Variants in NR4A3 observed in about 807,000 individuals in gnomAD.
NR4A3 encodes the protein nuclear receptor subfamily 4 group A member 3.
NR4A3 carries 13 observed loss-of-function variants against 55.6 expected under a neutral mutation model. The ratio of observed to expected loss-of-function variants is 0.23; its 90% confidence interval spans 0.15 to 0.37. NR4A3 has a LOEUF of 0.37. Ranked by LOEUF, NR4A3 falls within the 10% of genes least tolerant of loss-of-function variation. The pLI is 1.00. For synonymous variants in NR4A3, 342 were observed against 357.9 expected, an observed-to-expected ratio of 0.96 and a Z score of 0.50; for missense variants, 646 against 822.8, an observed-to-expected ratio of 0.79 and a Z score of 2.63.
At position 99,822,163 on chromosome 9, in the gene NR4A3, G is replaced by A. The variant is rs1276043819; in HGVS notation, c.-421G>A. On this transcript the variant is annotated 5_prime_UTR_variant, in exon 1 of 8. Coordinates refer to ENST00000395097, the MANE Select transcript of NR4A3 (RefSeq NM_006981.4). The surrounding 1 kb of genome is among the most constrained non-coding windows in gnomAD (Gnocchi z 4.9). ...GGTGCCGGCAGTGGCCGTGGAGGTGGGAACAGCGGCGGCATCCTCCCCCCT... is the reference window on the plus strand; with the variant it reads ...GGTGCCGGCAGTGGCCGTGGAGGTGAGAACAGCGGCGGCATCCTCCCCCCT... 6.6e-6 allele frequency: 1 copy of A among 152,652 alleles called. No homozygotes were observed. Among genetic ancestry groups the A allele is most frequent in the Non-Finnish European group, 1.5e-5 (1 of 68,136 alleles). 9.5% of individuals were successfully genotyped at this position (152,652 alleles called of 1,614,324 possible). A position where few individuals can be genotyped will look rare whatever the true frequency, so the allele number is the denominator to read the frequency against.
chr9:99,856,085 T>C (rs1377602768), intron 7 of NR4A3, among the ~76,000 whole-genome samples: 1 of 152,200 alleles, frequency 6.6e-6, no homozygotes, highest in Non-Finnish European at 1.5e-5. Flanking sequence ...TTGCTTGGAC[T>C]GGGGTCGGAG....
intron 1 of NR4A3, among the ~76,000 whole-genome samples, chr9:99,824,229 C>T (rs1474246692): frequency 6.6e-6 from 1 of 152,138 alleles, no homozygotes; most frequent in Non-Finnish European, 1.5e-5. Context: ...GGGTCCCTCC[C>T]GCGAACGCTG....
intron 5 of NR4A3, among the ~76,000 whole-genome samples, chr9:99,840,164 C>A (rs1212662757): frequency 1.3e-5 from 2 of 152,234 alleles, no homozygotes; most frequent in African/African-American, 4.8e-5. Flanking sequence ...AAAACCACTG[C>A]AGGTGAAGCC....
intron 5 of NR4A3, among the ~76,000 whole-genome samples, chr9:99,836,590 A>C (rs1421464482): frequency 6.6e-6 from 1 of 152,216 alleles, no homozygotes; most frequent in Non-Finnish European, 1.5e-5. Flanking sequence ...GATTTGGTGA[A>C]ATTGGGTCAC....
chr9:99,837,986 C>G (rs1165954645), intron 5 of NR4A3, among the ~76,000 whole-genome samples: 3 of 152,206 alleles, frequency 2.0e-5, no homozygotes, highest in Non-Finnish European at 4.4e-5. Flanking sequence ...TTCTGTGAAG[C>G]ATTCCTGGCT....
At chr9:99,840,388 G>C (rs962277607) in intron 5 of NR4A3, among the ~76,000 whole-genome samples, 1 of 152,252 alleles carries the variant, frequency 6.6e-6, no homozygotes, top group African/African-American at 2.4e-5. Flanking sequence ...ATTGGAAGCA[G>C]AGAGATTGTT....
chr9:99,849,400 T>C (rs1431824286), intron 7 of NR4A3, among the ~76,000 whole-genome samples: 2 of 151,996 alleles, frequency 1.3e-5, no homozygotes, highest in Non-Finnish European at 2.9e-5. Flanking sequence ...AAGAGAGCCA[T>C]TAACGAAACA....
intron 1 of NR4A3, among the ~76,000 whole-genome samples, chr9:99,824,833 C>T (rs1479824791): frequency 6.6e-6 from 1 of 152,230 alleles, no homozygotes; most frequent in Non-Finnish European, 1.5e-5. Flanking sequence ...TGGGCTGAGA[C>T]GCTGGTCCCG....
chr9:99,860,571 C>T (rs967199346), intron 7 of NR4A3, among the ~76,000 whole-genome samples: 1 of 152,200 alleles, frequency 6.6e-6, no homozygotes, highest in Non-Finnish European at 1.5e-5. Context: ...TTAGGCAGAA[C>T]ACCACTGCAT....
intron 7 of NR4A3, among the ~76,000 whole-genome samples, chr9:99,863,111 C>A (rs1157001761): frequency 6.6e-6 from 1 of 152,164 alleles, no homozygotes; most frequent in Non-Finnish European, 1.5e-5. Flanking sequence ...TTACAGCCTC[C>A]CCACCTCCCT....
chr9:99,852,441 T>G (rs1399393540), intron 7 of NR4A3, among the ~76,000 whole-genome samples: 2 of 152,200 alleles, frequency 1.3e-5, no homozygotes, highest in African/African-American at 4.8e-5. Flanking sequence ...AGATGATGTC[T>G]TGTGCTTTTG....
chr9:99,861,180 C>A (rs1361145213), intron 7 of NR4A3, among the ~76,000 whole-genome samples: 1 of 152,182 alleles, frequency 6.6e-6, no homozygotes, highest in African/African-American at 2.4e-5. Flanking sequence ...ACTTACAGTC[C>A]ATGGAGATCC....
chr9:99,831,921 T>C (rs556251176), intron 3 of NR4A3, among the ~76,000 whole-genome samples: 1 of 152,338 alleles, frequency 6.6e-6, no homozygotes, highest in Admixed American at 6.5e-5. Context: ...TCTATGTCAA[T>C]AGACATTTAT....
chr9:99,858,554 GTAGT>G (rs1413398506), intron 7 of NR4A3, among the ~76,000 whole-genome samples: 7 of 152,246 alleles, frequency 4.6e-5, no homozygotes, highest in African/African-American at 9.6e-5. Context: ...GTTGAAAGAA[GTAGT>G]TAGTTAATTT....
chr9:99,856,293 G>A (rs1192932784), intron 7 of NR4A3, among the ~76,000 whole-genome samples: 1 of 151,672 alleles, frequency 6.6e-6, no homozygotes, highest in Non-Finnish European at 1.5e-5. Flanking sequence ...CCACGCATTA[G>A]ATTCTCATAA....
chr9:99,847,654 T>C, intron 7 of NR4A3, 39 bp downstream of exon 7: 1 of 1,594,082 alleles, frequency 6.3e-7, no homozygotes, highest in Admixed American at 1.7e-5. Flanking sequence ...CTCATTTCTC[T>C]CCTTCCCTTT....
intron 7 of NR4A3, among the ~76,000 whole-genome samples, chr9:99,855,323 T>G (rs968923926): frequency 3.3e-5 from 5 of 152,194 alleles, no homozygotes; most frequent in African/African-American, 1.2e-4. Flanking sequence ...ATGACAAATA[T>G]TCATTGAATG....
intron 5 of NR4A3, among the ~76,000 whole-genome samples, chr9:99,842,076 C>G (rs1827659497): frequency 6.9e-6 from 1 of 145,960 alleles, no homozygotes; most frequent in Non-Finnish European, 1.5e-5. Context: ...GGGGCCAGAA[C>G]AAAATTGAGA....
chr9:99,832,582 A>T, intron 3 of NR4A3, 107 bp from the exon 4 acceptor site: 1 of 935,388 alleles, frequency 1.1e-6, no homozygotes, highest in East Asian at 2.9e-5. Context: ...TTATCGAATT[A>T]TACGAATTGC....
Sources: gnomAD v4.1 joint callset for allele counts (sites outside exome capture counted in the v4.1 genomes callset) on GRCh38, gnomAD v4.1.1 for gene constraint, Gnocchi (gnomAD v3.1) non-coding constraint, MANE v1.5 for transcripts, NCBI Gene and HGNC (gene_info 2026-07-23, HGNC 2026-07-21) for gene names.